Variants in EVC2 observed in about 807,000 individuals in gnomAD.
The protein encoded by EVC2 is EvC ciliary complex subunit 2.
EVC2 carries 148 observed loss-of-function variants against 149.3 expected under a neutral mutation model. The observed-to-expected ratio is 0.99, with a 90% CI of 0.87 to 1.14. The LOEUF (loss-of-function observed/expected upper bound fraction) is 1.14. Ranked by LOEUF, EVC2 falls within the 50% of genes most tolerant of loss-of-function variation. The pLI is 0.00. For synonymous variants in EVC2, 776 were observed against 649.9 expected (o/e 1.19, Z -2.95); for missense variants, 1,854 against 1,627.3 (o/e 1.14, Z -2.40).
At chr4:5,548,877 C>T (rs1174780310) in intron 21 of EVC2, among the ~76,000 whole-genome samples, 1 of 152,152 alleles carries the variant, frequency 6.6e-6, no homozygotes, top group Non-Finnish European at 1.5e-5. Flanking sequence ...GCAGTGCTAA[C>T]ATTTGCTCTA....
At chr4:5,656,143 A>T (rs548187277) in intron 9 of EVC2, among the ~76,000 whole-genome samples, 1 of 152,180 alleles carries the variant, frequency 6.6e-6, no homozygotes, top group Non-Finnish European at 1.5e-5. Flanking sequence ...AACAGCCAGG[A>T]AGCACCAGAG....
At chr4:5,706,796 AGG>A (rs886779853) in intron 1 of EVC2, among the ~76,000 whole-genome samples, 4 of 152,138 alleles carry the variant, frequency 2.6e-5, no homozygotes, top group Non-Finnish European at 4.4e-5. Context: ...GGGCAGGGCC[AGG>A]GCCCAGGGGA....
intron 4 of EVC2, 112 bp downstream of exon 4, chr4:5,691,153 T>C (rs1342437728): frequency 2.2e-6 from 2 of 925,476 alleles, no homozygotes; most frequent in East Asian, 2.4e-5. Context: ...TGTCTAGACT[T>C]GTGTAGGTAA....
the EVC2 span, among the ~76,000 whole-genome samples, chr4:5,530,145 A>G: frequency 6.6e-6 from 1 of 152,204 alleles, no homozygotes; most frequent in African/African-American, 2.4e-5. Context: ...ATCAGTCGAC[A>G]TTAACTTCTT....
At chr4:5,559,375 A>T (rs1193878477), downstream of EVC2, among the ~76,000 whole-genome samples, 1 of 152,310 alleles carries the variant, frequency 6.6e-6, no homozygotes, top group African/African-American at 2.4e-5. The surrounding 1 kb of genome is among the most constrained non-coding windows in gnomAD (Gnocchi z 5.0). Flanking sequence ...ATGTACATGT[A>T]TATTTTCTTG....
chr4:5,588,707 C>CA (rs1386296361), intron 16 of EVC2, among the ~76,000 whole-genome samples: 1 of 152,050 alleles, frequency 6.6e-6, no homozygotes, highest in African/African-American at 2.4e-5. Context: ...TTCTAGAGAA[C>CA]AAAAATATGT....
chr4:5,589,151 T>C (rs1043838066), intron 16 of EVC2, among the ~76,000 whole-genome samples: 1 of 152,262 alleles, frequency 6.6e-6, no homozygotes, highest in Admixed American at 6.5e-5. Flanking sequence ...TGTTCTGAGA[T>C]GCAGTTAAGC....
rs1319382958 is a variant in EVC2, at chr4:5,637,303, G to A, written c.1470+3211C>T. Among the ~76,000 whole-genome samples the A allele has an allele frequency of 1.3e-5, 2 of 152,214 alleles. No homozygotes were observed. The highest frequency in any genetic ancestry group is 1.5e-5 in the Non-Finnish European group (1 of 68,040). On this transcript the variant is annotated intron_variant, in intron 10 of 21. Transcript: ENST00000344408. This position sits in a 1 kb window ranked among gnomAD's most constrained non-coding sequence, Gnocchi z 4.4. Reference sequence around the variant, plus strand: ...GGGGGACGTAACCTCCACTGCAGGAGGGGGCAGTGTGCGCAGTGGTTGGGG... The same window carrying A: ...GGGGGACGTAACCTCCACTGCAGGAAGGGGCAGTGTGCGCAGTGGTTGGGG...
chr4:5,575,062 G>T (rs1433546856), intron 18 of EVC2, among the ~76,000 whole-genome samples: 1 of 152,180 alleles, frequency 6.6e-6, no homozygotes, highest in African/African-American at 2.4e-5. Flanking sequence ...CTGTGATGCT[G>T]CTTTGAAAAC....
At chr4:5,544,536 T>A (rs1037549795) in intron 21 of EVC2, among the ~76,000 whole-genome samples, 1 of 151,998 alleles carries the variant, frequency 6.6e-6, no homozygotes, top group African/African-American at 2.4e-5. Context: ...GAGCTGAGAG[T>A]GACTCCGTGG....
intron 3 of EVC2, 115 bp downstream of exon 3, chr4:5,694,220 A>G (rs1306329368): frequency 4.1e-5 from 43 of 1,038,450 alleles, no homozygotes; most frequent in Non-Finnish European, 6.2e-5. Flanking sequence ...TTAGTGAAAG[A>G]GGAGGAATAG....
chr4:5,681,138 C>A (rs1720310383), intron 7 of EVC2, 122 bp downstream of exon 7: 2 of 1,102,120 alleles, frequency 1.8e-6, no homozygotes, highest in South Asian at 1.3e-5. Flanking sequence ...GAGTCCCAGT[C>A]TCAACGCATA....
intron 9 of EVC2, among the ~76,000 whole-genome samples, chr4:5,656,624 G>A (rs903872536): frequency 2.0e-5 from 3 of 152,296 alleles, no homozygotes; most frequent in African/African-American, 7.2e-5. Flanking sequence ...GGCAGAGATG[G>A]AAGTAAGTTG....
At chr4:5,588,114 G>C (rs2108793143) in intron 16 of EVC2, among the ~76,000 whole-genome samples, 1 of 152,220 alleles carries the variant, frequency 6.6e-6, no homozygotes, top group South Asian at 2.1e-4. Context: ...AGCATTGTAA[G>C]TCTAAAAAAA....
chr4:5,697,122 T>C (rs956980711), intron 2 of EVC2, among the ~76,000 whole-genome samples: 1 of 152,200 alleles, frequency 6.6e-6, no homozygotes, highest in Admixed American at 6.5e-5. Context: ...AATGCGGCCA[T>C]AGATGCTGGA....
Position 5,631,781 on chromosome 4 carries a change from C to T in EVC2, c.1710+12G>A. The stretch of plus-strand genomic sequence containing the variant: ...AAATTACTTTTCCATCACAGCGAGG[C>T]TGATGTATTACCTGTATTTTAGAAT... On this transcript the variant is annotated intron_variant, in intron 11 of 21. Coordinates refer to ENST00000344408, the MANE Select transcript of EVC2 (RefSeq NM_147127.5). 2 of 1,613,402 alleles carry T rather than the reference C, an allele frequency of 1.2e-6. No homozygotes were observed. The highest frequency in any genetic ancestry group is 1.7e-6 in the Non-Finnish European group (2 of 1,179,402).
the EVC2 span, among the ~76,000 whole-genome samples, chr4:5,535,601 A>AAGAGAGAGAGAGAGAGAGAG: frequency 0.015 from 1,759 of 117,746 alleles, 28 homozygotes; most frequent in African/African-American, 0.038. This position sits in a 1 kb window ranked among gnomAD's most constrained non-coding sequence, Gnocchi z 4.7. Context: ...CATGCTTAGA[A>AAGAGAGAGAGAGAGAGAGAG]AGAGAGAGAG....
At chr4:5,704,550 GC>G (rs1722018651) in intron 1 of EVC2, among the ~76,000 whole-genome samples, 1 of 152,108 alleles carries the variant, frequency 6.6e-6, no homozygotes. Flanking sequence ...TTCGGGAGCT[GC>G]CAGGGGATAG....
the EVC2 span, among the ~76,000 whole-genome samples, chr4:5,532,901 G>C: frequency 6.6e-6 from 1 of 151,704 alleles, no homozygotes; most frequent in Non-Finnish European, 1.5e-5. Context: ...TCTAATGCCT[G>C]AGTCTCACCC....
Sources: allele counts gnomAD v4.1 joint callset (sites outside exome capture counted in the v4.1 genomes callset), GRCh38; gene constraint gnomAD v4.1.1; non-coding constraint Gnocchi (gnomAD v3.1); transcripts MANE v1.5; gene names NCBI Gene and HGNC (gene_info 2026-07-23, HGNC 2026-07-21).